Variants in SENP1 observed in about 807,000 individuals in gnomAD.
The protein encoded by SENP1 is sentrin-specific protease 1.
SENP1 carries 21 observed loss-of-function variants against 93.0 expected under a neutral mutation model. The observed-to-expected ratio is 0.23, with a 90% CI of 0.16 to 0.33. SENP1 has a LOEUF of 0.33. SENP1 is among the 10% of genes least tolerant of loss of function. The pLI, the probability that SENP1 is intolerant of heterozygous loss-of-function variation, is 1.00. For synonymous variants in SENP1, 256 were observed against 259.6 expected (o/e 0.99, Z 0.13); for missense variants, 591 against 758.7 (o/e 0.78, Z 2.60).
At position 48,088,920 on chromosome 12, in the gene SENP1, T is replaced by C; in HGVS notation, c.261A>G (p.Leu87=). The C allele has an allele frequency of 6.3e-7, 1 of 1,596,832 alleles. No individual in the cohort carries two copies. Residue 87 remains leucine (L), a synonymous_variant, in exon 5 of 18, where the codon TTA becomes TTG. Transcript: ENST00000549518. ...SSDSFLGSGD[L]RTFGQSANGQ... ...CATTTGCACTCTGGCCAAAGGTTCT[T>C]AAATCGCCTGAGCCAAGAAAACTGT...
At chr12:48,056,076 TTA>T (rs1479776989) in intron 13 of SENP1, among the ~76,000 whole-genome samples, 1 of 124,266 alleles carries the variant, frequency 8.0e-6, no homozygotes, top group Non-Finnish European at 1.6e-5. Context: ...ACAGTATATA[TTA>T]TATATTTACC....
rs1303572850 is a variant in SENP1 at position 48,045,637 on chromosome 12, C to CT, written c.1873-254dup. Among the ~76,000 whole-genome samples the CT allele has an allele frequency of 4.6e-5, 7 of 152,122 alleles. No individual in the cohort carries two copies. In the South Asian group the frequency reaches 1.4e-3, roughly 31 times the overall value. On this transcript the variant is annotated intron_variant, in intron 17 of 17. Coordinates refer to ENST00000549518, the MANE Select transcript of SENP1 (RefSeq NM_001267594.2). ...GAATCCCCAGGCTATGCCCACGTCT[C>CT]TAAGAATTTTGAGAATGGTGTCTAA...
Position 48,063,731 on chromosome 12 carries a change from A to G in SENP1, c.1386T>C (p.His462=). The G allele has an allele frequency of 6.2e-7, 1 of 1,613,128 alleles. No individual in the cohort carries two copies. Among genetic ancestry groups the G allele is most frequent in the Non-Finnish European group, 8.5e-7 (1 of 1,179,374 alleles). ...TTACCTCATCATTGAGCCAATTCAG[A>G]TGGTTTAGAGTTTGAATATCTTTGC... ...ITRKDIQTLN[H]LNWLNDEIIN... The change falls in exon 13 of 18, where the codon CAT becomes CAC. Residue 462 remains histidine (H), a synonymous_variant. Coordinates refer to ENST00000549518, the MANE Select transcript of SENP1 (RefSeq NM_001267594.2).
At chr12:48,084,094 G>A (rs954228726) in intron 5 of SENP1, among the ~76,000 whole-genome samples, 1 of 152,114 alleles carries the variant, frequency 6.6e-6, no homozygotes, top group Non-Finnish European at 1.5e-5. Context: ...CAAAAAACCT[G>A]GGTTCCAGGT....
chr12:48,050,000 C>T (rs143835055), intron 13 of SENP1, among the ~76,000 whole-genome samples: 12 of 152,154 alleles, frequency 7.9e-5, no homozygotes, highest in East Asian at 1.9e-4. Context: ...GTTAATGAAA[C>T]GACATCTTCT....
Position 48,083,755 on chromosome 12 carries a change from A to G in SENP1, c.388T>C (p.Ser130Pro), listed in dbSNP as rs751771618. The G allele has an allele frequency of 3.1e-6, 5 of 1,598,154 alleles. No individual in the cohort carries two copies. ...LETRKTSSGL[S>P]NSFAGKSNHH... ...TTTGACTTTCCCGCAAAACTGTTTG[A>G]TAATCCACTAAAAAAAGAGTTTGTA... The change falls in exon 6 of 18, where the codon TCA becomes CCA. Residue 130 changes from serine to proline, a missense_variant. Coordinates refer to ENST00000549518, the MANE Select transcript of SENP1 (RefSeq NM_001267594.2).
rs542590627 is a variant in SENP1, at chr12:48,062,093, G to A, written c.1407+1617C>T. On this transcript the variant is annotated intron_variant, in intron 13 of 17. Transcript: ENST00000549518. ...ATATGTCCTGATGAATGCTGTCTCT[G>A]TAAGGAATCTCACTGAGGTAAATGC... Among the ~76,000 whole-genome samples the A allele has an allele frequency of 1.1e-4, 16 of 152,242 alleles. No homozygotes were observed. In the South Asian group the frequency reaches 2.3e-3, roughly 22 times the overall value.
At chr12:48,104,266 G>GCA (rs1946245878) in intron 1 of SENP1, among the ~76,000 whole-genome samples, 1 of 86,400 alleles carries the variant, frequency 1.2e-5, no homozygotes, top group Non-Finnish European at 2.8e-5. Flanking sequence ...CGGGGGGGGG[G>GCA]GGGGGGGCGG....
intron 15 of SENP1, 70 bp from the exon 16 acceptor site, chr12:48,047,132 G>T: frequency 1.1e-6 from 1 of 936,204 alleles, no homozygotes; most frequent in Non-Finnish European, 1.7e-6. Context: ...CTAAGAATGG[G>T]GCTGACAATA....
At position 48,048,917 on chromosome 12, in the gene SENP1, A is replaced by T. The variant is rs1203225073; in HGVS notation, c.1611+12T>A. 1.7e-5 allele frequency: 27 copies of T among 1,602,344 alleles called. No homozygotes were observed. Among genetic ancestry groups the T allele is most frequent in the Non-Finnish European group, 2.2e-5 (26 of 1,170,134 alleles). ...GCTTTTACATTTTATCAAAAATGAA[A>T]GGGGTACTCACAGCTAGACACCAGT... On this transcript the variant is annotated intron_variant, in intron 14 of 17. Transcript: ENST00000549518.
At chr12:48,088,748 CTT>C (rs1366565067) in intron 5 of SENP1, 51 bp downstream of exon 5, 2 of 1,532,794 alleles carry the variant, frequency 1.3e-6, no homozygotes. Context: ...CTTTTAGTCA[CTT>C]TCTCTTATGT....
intron 5 of SENP1, chr12:48,085,067 G>A (rs1014868752): frequency 8.2e-5 from 106 of 1,298,328 alleles, no homozygotes; most frequent in Non-Finnish European, 9.8e-5. Context: ...CAGGGATGGC[G>A]GGGAGAAGGA....
At position 48,101,440 on chromosome 12, in the gene SENP1, A is replaced by G. The variant is rs138292642; in HGVS notation, c.4+29T>C. The G allele has an allele frequency of 3.6e-4, 566 of 1,577,846 alleles. 10 individuals carry two copies. The East Asian group carries it at 0.013, about 35-fold the overall frequency. On this transcript the variant is annotated intron_variant, in intron 2 of 17. Transcript: ENST00000549518. ...TACAGCTTAACCAATGAAAGTAGCTAAAAGGATTCAACAGCTAGTTAGTCT... is the reference window on the plus strand; with the variant it reads ...TACAGCTTAACCAATGAAAGTAGCTGAAAGGATTCAACAGCTAGTTAGTCT...
intron 13 of SENP1, among the ~76,000 whole-genome samples, chr12:48,060,923 A>G (rs1942916595): frequency 6.6e-6 from 1 of 152,254 alleles, no homozygotes; most frequent in Non-Finnish European, 1.5e-5. Flanking sequence ...CATTTTTGAG[A>G]CGTTTTATTA....
In SENP1 at chr12:48,066,829, T is replaced by C. The variant is rs796625365; in HGVS notation, c.1034+98A>G. ...GCCCAGCCTAAACAGGTACTTCTTA[T>C]TGGCAAAAAATAAGCAGGATGATTA... On this transcript the variant is annotated intron_variant, in intron 10 of 17. Coordinates refer to ENST00000549518, the MANE Select transcript of SENP1 (RefSeq NM_001267594.2). 1.3e-5 allele frequency: 13 copies of C among 1,024,200 alleles called. No individual in the cohort carries two copies. In the African/African-American group the frequency reaches 1.4e-4, roughly 11 times the overall value. 63.4% of individuals were successfully genotyped at this position (1,024,200 alleles called of 1,614,324 possible).
intron 13 of SENP1, among the ~76,000 whole-genome samples, chr12:48,060,497 A>T (rs1470193260): frequency 1.3e-5 from 2 of 152,212 alleles, no homozygotes; most frequent in Admixed American, 1.3e-4. Context: ...TAATAATGAC[A>T]CCCATTTGAA....
intron 13 of SENP1, 38 bp downstream of exon 13, chr12:48,063,672 T>C (rs148040786): frequency 1.3e-6 from 2 of 1,589,516 alleles, no homozygotes; most frequent in African/African-American, 2.7e-5. Flanking sequence ...TGCCACTTAA[T>C]GTTTACTATT....
intron 9 of SENP1, among the ~76,000 whole-genome samples, chr12:48,068,959 C>T (rs56046802): frequency 2.0e-5 from 3 of 151,800 alleles, no homozygotes; most frequent in African/African-American, 7.3e-5. Context: ...TCGAGACCAG[C>T]TTGGCCAACA....
rs905079503 is a variant in SENP1, at chr12:48,066,895, G to A, written c.1034+32C>T. ...TCTTCTAACTAAAAATGAACTGATT[G>A]AGAAGGAAAAATGATACCAAAAATA... On this transcript the variant is annotated intron_variant, in intron 10 of 17. Coordinates refer to ENST00000549518, the MANE Select transcript of SENP1 (RefSeq NM_001267594.2). 7 of 1,489,556 alleles carry A rather than the reference G, an allele frequency of 4.7e-6. No homozygotes were observed. In the Admixed American group the frequency reaches 1.4e-4, roughly 29 times the overall value. 92.3% of individuals were successfully genotyped at this position (1,489,556 alleles called of 1,614,324 possible). A position where few individuals can be genotyped will look rare whatever the true frequency, so the allele number is the denominator to read the frequency against.
Sources: allele counts gnomAD v4.1 joint callset (sites outside exome capture counted in the v4.1 genomes callset), GRCh38; gene constraint gnomAD v4.1.1; transcripts MANE v1.5; gene names NCBI Gene and HGNC (gene_info 2026-07-23, HGNC 2026-07-21).